Variants in PRKAG2 observed in about 807,000 individuals in gnomAD.
PRKAG2 encodes the protein 5'-AMP-activated protein kinase subunit gamma-2.
In PRKAG2, 26 loss-of-function variants were observed where a neutral mutation model predicts 69.6. The observed-to-expected ratio is 0.37, with a 90% CI of 0.27 to 0.52. The LOEUF (loss-of-function observed/expected upper bound fraction) is 0.52. Ranked by LOEUF, PRKAG2 falls within the 20% of genes least tolerant of loss-of-function variation. The pLI is 0.90. For missense variants in PRKAG2, 557 were observed against 740.0 expected (o/e 0.75, Z 2.87); for synonymous variants, 293 against 285.0 (o/e 1.03, Z -0.28).
intron 4 of PRKAG2, among the ~76,000 whole-genome samples, chr7:151,669,141 C>A (rs1478092137): frequency 1.3e-5 from 2 of 152,092 alleles, no homozygotes; most frequent in African/African-American, 4.8e-5. Context: ...TTTCTCCCTG[C>A]ACTCACTCTT....
At chr7:151,651,082 C>T (rs1045108899) in intron 4 of PRKAG2, among the ~76,000 whole-genome samples, 3 of 152,144 alleles carry the variant, frequency 2.0e-5, no homozygotes, top group African/African-American at 7.2e-5. Context: ...AGTTTTCAAG[C>T]AAAAATTAGA....
intron 3 of PRKAG2, among the ~76,000 whole-genome samples, chr7:151,680,035 C>G (rs1286483051): frequency 5.3e-5 from 8 of 152,130 alleles, no homozygotes; most frequent in Non-Finnish European, 2.9e-5. Flanking sequence ...CTGGGTGACA[C>G]AGCAAGATCC....
At chr7:151,675,748 G>T in intron 3 of PRKAG2, 111 bp from the exon 4 acceptor site, 1 of 1,096,398 alleles carries the variant, frequency 9.1e-7, no homozygotes, top group Non-Finnish European at 1.4e-6. Flanking sequence ...TCAGAGGTCC[G>T]GCCTCCAGGA....
intron 4 of PRKAG2, among the ~76,000 whole-genome samples, chr7:151,649,066 G>A (rs149381416): frequency 6.6e-6 from 1 of 152,318 alleles, no homozygotes; most frequent in African/African-American, 2.4e-5. Flanking sequence ...CACCCGAAGA[G>A]CAAGTAGCCA....
At chr7:151,716,556 A>G (rs970730125) in intron 3 of PRKAG2, among the ~76,000 whole-genome samples, 1 of 151,878 alleles carries the variant, frequency 6.6e-6, no homozygotes, top group African/African-American at 2.4e-5. Flanking sequence ...CACGCACAGA[A>G]CCCCGCCCAG....
chr7:151,694,108 G>A (rs1040805184), intron 3 of PRKAG2, among the ~76,000 whole-genome samples: 2 of 152,042 alleles, frequency 1.3e-5, no homozygotes, highest in Non-Finnish European at 2.9e-5. Context: ...TCCCGACCTC[G>A]AGTGATCTGC....
Position 151,616,291 on chromosome 7 carries a change from C to A in PRKAG2, c.754+15778G>T, listed in dbSNP as rs115147890. Among the ~76,000 whole-genome samples, 292 of 152,292 alleles carry A rather than the reference C, an allele frequency of 1.9e-3. 1 individual carries two copies. Among genetic ancestry groups the A allele is most frequent in the African/African-American group, 6.7e-3 (280 of 41,562 alleles). ...AGGTGCACATGCATGCACACATGCA[C>A]ATATGCACACAGGCACACACACACA... On this transcript the variant is annotated intron_variant, in intron 5 of 15. Coordinates refer to ENST00000287878, the MANE Select transcript of PRKAG2 (RefSeq NM_016203.4).
rs1276721515 is a variant in PRKAG2, at chr7:151,632,316, C to CCCGAGGCCG, written c.685-187_685-179dup. ...GGAGCGGGAGCGCTGCCCCCACCCG[C>CCCGAGGCCG]CCGAGGCCGCCGCCGCCGCCGCAGG... On this transcript the variant is annotated intron_variant, in intron 4 of 15. Transcript: ENST00000287878. This position sits in a 1 kb window ranked among gnomAD's most constrained non-coding sequence, Gnocchi z 4.2. The CCCGAGGCCG allele has an allele frequency of 7.2e-6, 6 of 833,724 alleles. No homozygotes were observed. The highest frequency in any genetic ancestry group is 6.0e-4 in the Middle Eastern group (1 of 1,660). 51.6% of individuals were successfully genotyped at this position (833,724 alleles called of 1,614,324 possible).
At chr7:151,623,578 T>C (rs1585300652) in intron 5 of PRKAG2, among the ~76,000 whole-genome samples, 1 of 151,906 alleles carries the variant, frequency 6.6e-6, no homozygotes, top group Non-Finnish European at 1.5e-5. Flanking sequence ...GGCTAGGGGG[T>C]TGGGGACCCC....
At chr7:151,861,833 G>A (rs914086523) in intron 1 of PRKAG2, among the ~76,000 whole-genome samples, 2 of 152,000 alleles carry the variant, frequency 1.3e-5, no homozygotes, top group African/African-American at 4.8e-5. Flanking sequence ...AGGACACAGG[G>A]GGCAATCATT....
chr7:151,560,993 G>A (rs188089531), intron 14 of PRKAG2, among the ~76,000 whole-genome samples: 1 of 152,154 alleles, frequency 6.6e-6, no homozygotes, highest in Non-Finnish European at 1.5e-5. Context: ...AGACCCATAC[G>A]ATGACCTTAG....
rs143208383 is a variant in PRKAG2, at chr7:151,792,210, T to C, written c.115-5669A>G. Among the ~76,000 whole-genome samples, 553 of 152,350 alleles carry C rather than the reference T, an allele frequency of 3.6e-3. 6 individuals carry two copies. The highest frequency in any genetic ancestry group is 0.011 in the African/African-American group (473 of 41,574). On this transcript the variant is annotated intron_variant, in intron 1 of 15. Transcript: ENST00000287878. ...AAGGAAGGATACATAAGGATTTGTA[T>C]AGTCCTGTGATTCATTCCCCAGGCA...
chr7:151,641,395 A>G (rs6464158), intron 4 of PRKAG2, among the ~76,000 whole-genome samples: 15,713 of 151,132 alleles, frequency 0.1, 2,136 homozygotes, highest in African/African-American at 0.31. Context: ...CTACAGGCGC[A>G]CACCACCACA....
intron 3 of PRKAG2, among the ~76,000 whole-genome samples, chr7:151,744,870 G>A (rs2074169135): frequency 6.6e-6 from 1 of 152,198 alleles, no homozygotes; most frequent in Non-Finnish European, 1.5e-5. Flanking sequence ...GTACAGAGCT[G>A]GGAGACTTTG....
intron 3 of PRKAG2, among the ~76,000 whole-genome samples, chr7:151,688,401 C>T (rs973775601): frequency 2.6e-5 from 4 of 152,350 alleles, no homozygotes; most frequent in East Asian, 1.9e-4. Context: ...CCGGTATACA[C>T]GGCTATCGCT....
chr7:151,674,761 C>CTT (rs5888446), intron 4 of PRKAG2, among the ~76,000 whole-genome samples: 131 of 148,170 alleles, frequency 8.8e-4, no homozygotes, highest in Admixed American at 1.9e-3. Context: ...TTCTGTTTTA[C>CTT]TTTTTTTTTT....
At chr7:151,735,511 C>T (rs1799633582) in intron 3 of PRKAG2, among the ~76,000 whole-genome samples, 2 of 152,204 alleles carry the variant, frequency 1.3e-5, no homozygotes, top group Non-Finnish European at 2.9e-5. Flanking sequence ...GAAGACCTCT[C>T]TCTTCCTGAC....
At chr7:151,655,089 T>C (rs1320602973) in intron 4 of PRKAG2, among the ~76,000 whole-genome samples, 2 of 152,228 alleles carry the variant, frequency 1.3e-5, no homozygotes, top group Non-Finnish European at 1.5e-5. Flanking sequence ...TCGGGAAATA[T>C]GTGAACAAGT....
At chr7:151,830,389 G>C (rs1440898928) in intron 1 of PRKAG2, among the ~76,000 whole-genome samples, 1 of 151,966 alleles carries the variant, frequency 6.6e-6, no homozygotes, top group Non-Finnish European at 1.5e-5. Context: ...GGCGCCCTGA[G>C]ATGCAGGGAG....
Sources: allele counts gnomAD v4.1 joint callset (sites outside exome capture counted in the v4.1 genomes callset), GRCh38; gene constraint gnomAD v4.1.1; non-coding constraint Gnocchi (gnomAD v3.1); transcripts MANE v1.5; gene names NCBI Gene and HGNC (gene_info 2026-07-23, HGNC 2026-07-21).